The following CLEC16A variants were observed in gnomAD, a reference collection of about 807,000 sequenced individuals.
The protein encoded by CLEC16A is protein CLEC16A.
A neutral mutation model predicts 109.5 loss-of-function variants in CLEC16A; 51 were observed. The observed-to-expected ratio is 0.47, with a 90% confidence interval of 0.37 to 0.59. The LOEUF is 0.59. Among genes scored for constraint, CLEC16A ranks in the 20% least tolerant of loss-of-function variants. The pLI, the probability that CLEC16A is intolerant of heterozygous loss-of-function variation, is 0.00. For missense variants in CLEC16A, 1,339 were observed against 1,394.0 expected, an observed-to-expected ratio of 0.96 and a Z score of 0.63; for synonymous variants, 673 against 564.2, an observed-to-expected ratio of 1.19 and a Z score of -2.73.
At chr16:11,044,097 A>G (rs2047500228) in intron 16 of CLEC16A, 25 bp downstream of exon 16, 1 of 1,596,702 alleles carries the variant, frequency 6.3e-7, no homozygotes, top group East Asian at 2.2e-5. Flanking sequence ...ACAGATGGAC[A>G]GCAGCATGGT....
At chr16:10,959,098 A>G (rs892330238) in intron 2 of CLEC16A, among the ~76,000 whole-genome samples, 1 of 151,888 alleles carries the variant, frequency 6.6e-6, no homozygotes, top group East Asian at 1.9e-4. Context: ...ATTTTTGAAA[A>G]GTAAAAGTGT....
chr16:11,127,454 A>C (rs1305556571), intron 22 of CLEC16A, among the ~76,000 whole-genome samples: 1 of 152,216 alleles, frequency 6.6e-6, no homozygotes, highest in African/African-American at 2.4e-5. Context: ...AATTCCTAGC[A>C]GTGAATTTGC....
chr16:11,096,357 A>G (rs947480562), intron 19 of CLEC16A, among the ~76,000 whole-genome samples: 7 of 152,084 alleles, frequency 4.6e-5, no homozygotes, highest in Non-Finnish European at 8.8e-5. Flanking sequence ...AAAGTAAAAT[A>G]AAATAAAAAC....
chr16:11,087,921 C>A (rs1371332464), intron 19 of CLEC16A, among the ~76,000 whole-genome samples: 5 of 152,350 alleles, frequency 3.3e-5, no homozygotes, highest in South Asian at 2.1e-4. Flanking sequence ...CAGAGCTCCC[C>A]CGCTGTGCAG....
chr16:11,061,676 G>C (rs1282108957), intron 19 of CLEC16A, among the ~76,000 whole-genome samples: 3 of 152,194 alleles, frequency 2.0e-5, no homozygotes, highest in African/African-American at 7.2e-5. Context: ...GAGCAGCATG[G>C]TTTTCTGTTT....
intron 13 of CLEC16A, among the ~76,000 whole-genome samples, chr16:11,032,297 C>T (rs1026273446): frequency 2.6e-5 from 4 of 152,144 alleles, no homozygotes; most frequent in Admixed American, 2.0e-4. Context: ...GCACAGGCAG[C>T]GACTGAACTG....
chr16:11,083,549 C>A (rs1364699500), intron 19 of CLEC16A, among the ~76,000 whole-genome samples: 1 of 152,218 alleles, frequency 6.6e-6, no homozygotes, highest in Non-Finnish European at 1.5e-5. Flanking sequence ...GACCCCAGGG[C>A]CACTCAGCTC....
intron 19 of CLEC16A, among the ~76,000 whole-genome samples, chr16:11,109,617 C>T (rs1186389725): frequency 4.6e-5 from 7 of 152,162 alleles, no homozygotes; most frequent in South Asian, 4.1e-4. Flanking sequence ...AGCGCAGACT[C>T]GGGAATAGAA....
intron 13 of CLEC16A, among the ~76,000 whole-genome samples, chr16:11,037,159 T>C (rs1018257947): frequency 6.6e-6 from 1 of 152,164 alleles, no homozygotes; most frequent in Non-Finnish European, 1.5e-5. Context: ...TACCCAGCTG[T>C]CCCCCTAAGA....
At chr16:11,043,966 T>A in intron 15 of CLEC16A, 62 bp from the exon 16 acceptor site, 1 of 1,361,768 alleles carries the variant, frequency 7.3e-7, no homozygotes, top group Non-Finnish European at 1.0e-6. Context: ...AATTCGTAGT[T>A]TGCCCGACTT....
At chr16:11,121,228 C>G (rs763583099) in intron 20 of CLEC16A, among the ~76,000 whole-genome samples, 4 of 152,154 alleles carry the variant, frequency 2.6e-5, no homozygotes, top group Non-Finnish European at 5.9e-5. Flanking sequence ...ACGCAGACTT[C>G]CTGGTATTCT....
chr16:11,021,529 TG>T (rs2046097660), intron 12 of CLEC16A, among the ~76,000 whole-genome samples: 1 of 152,200 alleles, frequency 6.6e-6, no homozygotes, highest in Admixed American at 6.5e-5. Context: ...CAGGCATGGT[TG>T]TTCACACCTG....
chr16:10,947,315 T>G (rs994838518), intron 1 of CLEC16A, among the ~76,000 whole-genome samples: 2 of 152,344 alleles, frequency 1.3e-5, no homozygotes, highest in Non-Finnish European at 1.5e-5. Context: ...ATCTTGGGTC[T>G]TGGGTACAGA....
At chr16:11,076,620 G>A (rs1355427369) in intron 19 of CLEC16A, among the ~76,000 whole-genome samples, 2 of 152,206 alleles carry the variant, frequency 1.3e-5, no homozygotes, top group Non-Finnish European at 2.9e-5. Context: ...CAGGAGGGGA[G>A]GGTTGCCTTC....
intron 19 of CLEC16A, among the ~76,000 whole-genome samples, chr16:11,114,159 G>A (rs1176111860): frequency 6.6e-6 from 1 of 151,360 alleles, no homozygotes; most frequent in Non-Finnish European, 1.5e-5. Flanking sequence ...GTGTGTGTGT[G>A]TGTGTGTGTG....
rs946841633 is a variant in CLEC16A, at chr16:11,169,117, C to T, written c.2806+2565C>T. Among the ~76,000 whole-genome samples the T allele has an allele frequency of 2.0e-5, 3 of 152,306 alleles. No individual in the cohort carries two copies. In the East Asian group the frequency reaches 5.8e-4, roughly 29 times the overall value. ...CAGCCCCCTACAAGGGGCAGCATGT[C>T]CTCAAAGTGGTTTTTGAGGGTACAG... On this transcript the variant is annotated intron_variant, in intron 23 of 23. Coordinates refer to ENST00000409790, the MANE Select transcript of CLEC16A (RefSeq NM_015226.3).
Position 10,944,651 on chromosome 16 carries a change from G to T in CLEC16A, c.-67G>T. On this transcript the variant is annotated 5_prime_UTR_variant, in exon 1 of 24. Transcript: ENST00000409790. ...CATCCTCCGCTTGTGCTACCGCCGC[G>T]GGCGCTGGGCCGCTCTGCTGGTCCG... is the stretch of plus-strand genomic sequence containing the variant. 6.8e-7 allele frequency: 1 copy of T among 1,461,700 alleles called. No homozygotes were observed. The highest frequency in any genetic ancestry group is 9.4e-7 in the Non-Finnish European group (1 of 1,068,854). The allele number at this position is 1,461,700 out of a possible 1,614,324, so 90.5% of individuals were successfully genotyped here.
Position 10,996,336 on chromosome 16 carries a change from C to G in CLEC16A, c.1072-6738C>G, listed in dbSNP as rs186297958. Among the ~76,000 whole-genome samples the G allele has an allele frequency of 1.4e-3, 218 of 152,334 alleles. 1 individual carries two copies. The highest frequency in any genetic ancestry group is 6.8e-3 in the Middle Eastern group (2 of 294). ...CCTGCAAAGTCCAGCGGCTGTGCATCTGCCCCTACCTGGGGAGCTGGCCGA... is the reference window on the plus strand; with the variant it reads ...CCTGCAAAGTCCAGCGGCTGTGCATGTGCCCCTACCTGGGGAGCTGGCCGA... On this transcript the variant is annotated intron_variant, in intron 10 of 23. Transcript: ENST00000409790.
chr16:11,000,414 G>T (rs544037175), intron 10 of CLEC16A, among the ~76,000 whole-genome samples: 2 of 152,152 alleles, frequency 1.3e-5, no homozygotes, highest in Admixed American at 6.5e-5. Context: ...TTTGCCCTGC[G>T]CTTGGTCTCT....
Sources: allele counts gnomAD v4.1 joint callset (sites outside exome capture counted in the v4.1 genomes callset), GRCh38; gene constraint gnomAD v4.1.1; transcripts MANE v1.5; gene names NCBI Gene and HGNC (gene_info 2026-07-23, HGNC 2026-07-21).